MARCHF4: variants seen among roughly 807,000 people sequenced by gnomAD.
MARCHF4 encodes the protein membrane associated ring-CH-type finger 4, also known as E3 ubiquitin-protein ligase MARCHF4.
In MARCHF4, 14 loss-of-function variants were observed where a neutral mutation model predicts 43.9. That is an observed-to-expected ratio of 0.32 (90% CI 0.21 to 0.50). The LOEUF is 0.50. MARCHF4 is among the 20% of genes least tolerant of loss of function. The pLI is 0.98. For missense variants in MARCHF4, 468 were observed against 536.7 expected (o/e 0.87, Z 1.27); for synonymous variants, 226 against 213.3 (o/e 1.06, Z -0.52).
At chr2:216,269,626 A>T (rs536589238) in intron 3 of MARCHF4, among the ~76,000 whole-genome samples, 6 of 151,744 alleles carry the variant, frequency 4.0e-5, no homozygotes, top group African/African-American at 1.5e-4. Context: ...ATCCACCCTG[A>T]TCAAGCGCTT....
In MARCHF4 at chr2:216,259,190, C is replaced by A. The variant is rs919189551; in HGVS notation, c.*122G>T. The A allele has an allele frequency of 2.3e-5, 33 of 1,435,108 alleles. No homozygotes were observed. Among genetic ancestry groups the A allele is most frequent in the Admixed American group, 2.3e-5 (1 of 43,644 alleles). The allele number at this position is 1,435,108 out of a possible 1,614,324, so 88.9% of individuals were successfully genotyped here. A position where few individuals can be genotyped will look rare whatever the true frequency, so the allele number is the denominator to read the frequency against. ...CTCCCGCTCTGACACTACCCCAGGG[C>A]TCCCGCCAGGTCCCCCACCCTCTGC... is the stretch of plus-strand genomic sequence containing the variant. On this transcript the variant is annotated 3_prime_UTR_variant, in exon 4 of 4. Transcript: ENST00000273067.
chr2:216,330,801 A>G (rs1474034025), intron 1 of MARCHF4, among the ~76,000 whole-genome samples: 1 of 152,162 alleles, frequency 6.6e-6, no homozygotes, highest in Admixed American at 6.5e-5. Context: ...ATCCTTAATA[A>G]TAAAATATGA....
chr2:216,274,310 C>G (rs1248514158), intron 3 of MARCHF4, among the ~76,000 whole-genome samples: 1 of 152,150 alleles, frequency 6.6e-6, no homozygotes, highest in Admixed American at 6.5e-5. Flanking sequence ...TGGTTCCTGT[C>G]CTACATTGCC....
chr2:216,300,337 GATATATATATATGTATATAT>G (rs1229343644), intron 1 of MARCHF4, among the ~76,000 whole-genome samples: 3 of 124,180 alleles, frequency 2.4e-5, no homozygotes, highest in Non-Finnish European at 4.7e-5. Flanking sequence ...TGTCCATCTC[GATATATATATATGTATATAT>G]ATATATATAT....
intron 1 of MARCHF4, among the ~76,000 whole-genome samples, chr2:216,315,026 A>G (rs980444818): frequency 6.6e-6 from 1 of 152,260 alleles, no homozygotes; most frequent in Non-Finnish European, 1.5e-5. Flanking sequence ...ACTGGTAAAA[A>G]TCATTATAAC....
chr2:216,350,936 G>T (rs148080015), intron 1 of MARCHF4, among the ~76,000 whole-genome samples: 1 of 152,080 alleles, frequency 6.6e-6, no homozygotes, highest in Non-Finnish European at 1.5e-5. Context: ...TAATTAAACC[G>T]TAGAAAGAGC....
chr2:216,337,307 T>G (rs541414902), intron 1 of MARCHF4, among the ~76,000 whole-genome samples: 11 of 152,350 alleles, frequency 7.2e-5, no homozygotes, highest in Non-Finnish European at 1.5e-4. Context: ...ATCAGCGGAC[T>G]GTTATGAAGC....
intron 1 of MARCHF4, among the ~76,000 whole-genome samples, chr2:216,344,612 T>C (rs1692287219): frequency 6.6e-6 from 1 of 152,106 alleles, no homozygotes; most frequent in Non-Finnish European, 1.5e-5. Context: ...CCCTTATTTT[T>C]ACAATGAGGG....
intron 1 of MARCHF4, among the ~76,000 whole-genome samples, chr2:216,287,375 TG>T (rs1691232487): frequency 6.6e-6 from 1 of 152,066 alleles, no homozygotes. Flanking sequence ...TGATCTTGTT[TG>T]CAGAGCTCAG....
chr2:216,364,008 C>A (rs181032108), intron 1 of MARCHF4, among the ~76,000 whole-genome samples: 1 of 152,220 alleles, frequency 6.6e-6, no homozygotes, highest in Admixed American at 6.5e-5. Flanking sequence ...CAGAAAGGAT[C>A]TTGAGGATTA....
In MARCHF4 at chr2:216,370,346, A is replaced by C; in HGVS notation, c.-86T>G. ...GACAGGTTTTGGGGGTCCACAGTGG[A>C]TCTGTGTTGTGGGGGGAGTCTGCTT... On this transcript the variant is annotated 5_prime_UTR_variant, in exon 1 of 4. Coordinates refer to ENST00000273067, the MANE Select transcript of MARCHF4 (RefSeq NM_020814.3). 1 of 1,277,912 alleles carries C rather than the reference A, an allele frequency of 7.8e-7. No homozygotes were observed. The highest frequency in any genetic ancestry group is 1.0e-6 in the Non-Finnish European group (1 of 963,132). The allele number at this position is 1,277,912 out of a possible 1,614,324, so 79.2% of individuals were successfully genotyped here.
intron 1 of MARCHF4, among the ~76,000 whole-genome samples, chr2:216,342,655 G>A (rs1467736254): frequency 6.6e-6 from 1 of 152,134 alleles, no homozygotes; most frequent in Non-Finnish European, 1.5e-5. Context: ...AGGAATGAGT[G>A]GACTTGGGTC....
intron 1 of MARCHF4, among the ~76,000 whole-genome samples, chr2:216,292,379 G>A (rs1438285122): frequency 6.6e-6 from 1 of 152,248 alleles, no homozygotes; most frequent in Non-Finnish European, 1.5e-5. Flanking sequence ...AGAATCTAGA[G>A]AATCTAAAGC....
intron 1 of MARCHF4, among the ~76,000 whole-genome samples, chr2:216,348,178 C>A (rs1692349651): frequency 6.6e-6 from 1 of 151,700 alleles, no homozygotes; most frequent in African/African-American, 2.4e-5. Context: ...GCTGGGATTA[C>A]AAGCATGCAT....
chr2:216,291,101 AG>A (rs1469291806), intron 1 of MARCHF4, among the ~76,000 whole-genome samples: 1 of 152,144 alleles, frequency 6.6e-6, no homozygotes, highest in Non-Finnish European at 1.5e-5. Flanking sequence ...AGGAAAAGGA[AG>A]GGGTGCCAGA....
intron 1 of MARCHF4, among the ~76,000 whole-genome samples, chr2:216,292,923 CCTT>C (rs1463524216): frequency 2.6e-5 from 4 of 152,134 alleles, no homozygotes; most frequent in Non-Finnish European, 4.4e-5. Context: ...ATCATGAAGA[CCTT>C]CTTTCCAACA....
At chr2:216,347,671 G>A (rs1350500992) in intron 1 of MARCHF4, among the ~76,000 whole-genome samples, 1 of 151,738 alleles carries the variant, frequency 6.6e-6, no homozygotes, top group African/African-American at 2.4e-5. Flanking sequence ...AAGTTGCAGT[G>A]AGCTGAGATG....
chr2:216,343,148 A>G (rs545934920), intron 1 of MARCHF4, among the ~76,000 whole-genome samples: 1 of 152,348 alleles, frequency 6.6e-6, no homozygotes, highest in Non-Finnish European at 1.5e-5. Context: ...TTCATTCAGC[A>G]GGCAATAGAG....
Position 216,259,159 on chromosome 2 carries a change from G to T in MARCHF4, c.*153C>A. 1.8e-6 allele frequency: 2 copies of T among 1,106,480 alleles called. No individual in the cohort carries two copies. Among genetic ancestry groups the T allele is most frequent in the Non-Finnish European group, 2.5e-6 (2 of 791,944 alleles). The allele number at this position is 1,106,480 out of a possible 1,614,324, so 68.5% of individuals were successfully genotyped here. A position where few individuals can be genotyped will look rare whatever the true frequency, so the allele number is the denominator to read the frequency against. ...AAATAGCAGAACTGCTCCTGCACCA[G>T]CCTCACTCCCGCTCTGACACTACCC... On this transcript the variant is annotated 3_prime_UTR_variant, in exon 4 of 4. Transcript: ENST00000273067.
Sources: allele counts gnomAD v4.1 joint callset (sites outside exome capture counted in the v4.1 genomes callset), GRCh38; gene constraint gnomAD v4.1.1; transcripts MANE v1.5; gene names NCBI Gene and HGNC (gene_info 2026-07-23, HGNC 2026-07-21).